Variants in AADACL4 observed in about 807,000 individuals in gnomAD.
The protein encoded by AADACL4 is arylacetamide deacetylase like 4.
A neutral mutation model predicts 14.1 loss-of-function variants in AADACL4; 9 were observed. That is an observed-to-expected ratio of 0.64 (90% confidence interval 0.39 to 1.12). The LOEUF (loss-of-function observed/expected upper bound fraction) is 1.12, where lower values mean the gene tolerates loss of function less well. Ranked by LOEUF, AADACL4 falls within the 50% of genes most tolerant of loss-of-function variation. The pLI, the probability that AADACL4 is intolerant of heterozygous loss-of-function variation, is 0.01. For missense variants in AADACL4, 531 were observed against 516.1 expected, an observed-to-expected ratio of 1.03 and a Z score of -0.28; for synonymous variants, 188 against 201.6, an observed-to-expected ratio of 0.93 and a Z score of 0.57.
At chr1:12,648,912 C>T (rs1047640314) in intron 1 of AADACL4, among the ~76,000 whole-genome samples, 3 of 152,230 alleles carry the variant, frequency 2.0e-5, no homozygotes, top group Non-Finnish European at 2.9e-5. Context: ...CGGGGTAGCG[C>T]GATGCCTATG....
At position 12,666,269 on chromosome 1, in the gene AADACL4, TG is replaced by T; in HGVS notation, c.759del (p.Cys254ValfsTer15). The part of the protein sequence containing the change: ...LLSRKFMVTS[L>X]CNYLAIDLSW... ...TCCCGGAAGTTCATGGTGACTTCTC[TG>T]TGTAACTATCTGGCCATTGACCTCT... On this transcript the variant is annotated frameshift_variant, in exon 4 of 4. Coordinates refer to ENST00000376221, the MANE Select transcript of AADACL4 (RefSeq NM_001013630.2). LOFTEE classifies it low-confidence loss of function (END_TRUNC). The T allele has an allele frequency of 6.2e-7, 1 of 1,614,256 alleles. No homozygotes were observed. The highest frequency in any genetic ancestry group is 1.1e-5 in the South Asian group (1 of 91,088).
intron 2 of AADACL4, among the ~76,000 whole-genome samples, chr1:12,652,297 A>G (rs991515609): frequency 6.6e-6 from 1 of 152,010 alleles, no homozygotes; most frequent in Non-Finnish European, 1.5e-5. Context: ...TGCTGCAGAC[A>G]CTTAAGCTCC....
At chr1:12,660,317 G>A (rs867484188) in intron 2 of AADACL4, among the ~76,000 whole-genome samples, 27 of 152,148 alleles carry the variant, frequency 1.8e-4, no homozygotes, top group Admixed American at 3.9e-4. Context: ...TTTCTTAATT[G>A]CATCCAAATG....
chr1:12,646,182 C>T (rs537904104), intron 1 of AADACL4, among the ~76,000 whole-genome samples: 23 of 152,254 alleles, frequency 1.5e-4, no homozygotes, highest in African/African-American at 4.6e-4. Flanking sequence ...GAGGAGGCCA[C>T]GCTTAACTGA....
At chr1:12,646,399 G>A (rs779870756) in intron 1 of AADACL4, among the ~76,000 whole-genome samples, 14 of 152,214 alleles carry the variant, frequency 9.2e-5, no homozygotes, top group South Asian at 2.1e-4. Context: ...TGTTCCCCAT[G>A]GGTTACAAAA....
In AADACL4 at chr1:12,663,486, C is replaced by T. The variant is rs112370144; in HGVS notation, c.449+1632C>T. On this transcript the variant is annotated intron_variant, in intron 3 of 3. Transcript: ENST00000376221. Reference sequence around the variant, plus strand: ...CTAATCCCATTCATGAGGGCTCCACCCTCATGACCTGATCACTTTCCTAAG... The same window carrying T: ...CTAATCCCATTCATGAGGGCTCCACTCTCATGACCTGATCACTTTCCTAAG... Among the ~76,000 whole-genome samples, 1,081 of 152,210 alleles carry T rather than the reference C, an allele frequency of 7.1e-3. 16 individuals are homozygous for T. The highest frequency in any genetic ancestry group is 0.024 in the African/African-American group (1,004 of 41,530).
chr1:12,644,651 T>C lies in AADACL4; in HGVS notation c.105T>C (p.Ala35=), dbSNP rs966881646. The C allele has an allele frequency of 2.5e-6, 4 of 1,614,162 alleles. No individual in the cohort carries two copies. Among genetic ancestry groups the C allele is most frequent in the African/African-American group, 1.3e-5 (1 of 75,054 alleles). ...FEHFLTTDIP[A]TLQHPAKLRF... Reference sequence around the variant, plus strand: ...ACTTCCTCACCACGGATATCCCTGCTACCTTGCAGCATCCTGCCAAGTTGA... The same window carrying C: ...ACTTCCTCACCACGGATATCCCTGCCACCTTGCAGCATCCTGCCAAGTTGA... The change falls in exon 1 of 4, where the codon GCT becomes GCC. Residue 35 remains alanine, a synonymous_variant. Transcript: ENST00000376221.
intron 3 of AADACL4, 116 bp downstream of exon 3, chr1:12,661,970 G>A: frequency 3.5e-6 from 4 of 1,146,940 alleles, no homozygotes; most frequent in Non-Finnish European, 5.2e-6. Flanking sequence ...TCTTGGACAT[G>A]CATCCACAGA....
At chr1:12,657,822 G>A (rs1412436037) in intron 2 of AADACL4, among the ~76,000 whole-genome samples, 3 of 152,162 alleles carry the variant, frequency 2.0e-5, no homozygotes, top group African/African-American at 7.2e-5. Flanking sequence ...GAGGTCCTAG[G>A]AGAGACTCAG....
chr1:12,648,568 T>A (rs1292893772), intron 1 of AADACL4, among the ~76,000 whole-genome samples: 1 of 151,274 alleles, frequency 6.6e-6, no homozygotes, highest in African/African-American at 2.4e-5. Context: ...GGGTTTTTTT[T>A]TTTTTTGTAT....
At chr1:12,658,433 A>G (rs11805473) in intron 2 of AADACL4, among the ~76,000 whole-genome samples, 6,605 of 151,984 alleles carry the variant, frequency 0.043, 454 homozygotes, top group African/African-American at 0.15. Flanking sequence ...TAATTTTTGT[A>G]TTTTTAGTAG....
rs774066321 is a variant in AADACL4 at position 12,666,485 on chromosome 1, C to G, written c.974C>G (p.Pro325Arg). The change falls in exon 4 of 4, where the codon CCC (proline) becomes CGC (arginine). Residue 325 changes from proline to arginine, a missense_variant. Coordinates refer to ENST00000376221, the MANE Select transcript of AADACL4 (RefSeq NM_001013630.2). ...CATATGCTGGATGTAGAAAATTCAC[C>G]CCTGATAGCAGATGATGAGGTCATC... ...AKHMLDVENS[P>R]LIADDEVIAQ... 4.4e-4 allele frequency: 712 copies of G among 1,614,016 alleles called. No individual in the cohort carries two copies. The highest frequency in any genetic ancestry group is 5.7e-4 in the Non-Finnish European group (671 of 1,180,030).
intron 2 of AADACL4, among the ~76,000 whole-genome samples, chr1:12,657,182 C>A (rs1022878916): frequency 2.5e-4 from 37 of 150,660 alleles, no homozygotes; most frequent in African/African-American, 8.9e-4. Flanking sequence ...AAACAAAACC[C>A]CAAACTACTC....
chr1:12,665,863 C>T (rs1647310781), intron 3 of AADACL4, 98 bp from the exon 4 acceptor site: 14 of 1,269,690 alleles, frequency 1.1e-5, no homozygotes, highest in Non-Finnish European at 1.5e-5. Context: ...AGGATTTAAT[C>T]AGATATAGTC....
In AADACL4 at chr1:12,648,576, T is replaced by C. The variant is rs530146002; in HGVS notation, c.169-2547T>C. On this transcript the variant is annotated intron_variant, in intron 1 of 3. Transcript: ENST00000376221. ...TGTGCCTGGGTTTTTTTTTTTTTTG[T>C]ATGTTTTGTAGAGATGGGGTTTCTT... Among the ~76,000 whole-genome samples the C allele has an allele frequency of 3.6e-3, 537 of 149,080 alleles. 5 individuals are homozygous for C. The highest frequency in any genetic ancestry group is 0.013 in the African/African-American group (510 of 40,270).
intron 2 of AADACL4, among the ~76,000 whole-genome samples, chr1:12,652,303 G>A (rs1202382322): frequency 6.6e-6 from 1 of 152,092 alleles, no homozygotes; most frequent in Non-Finnish European, 1.5e-5. Context: ...AGACACTTAA[G>A]CTCCTTCTCA....
At chr1:12,656,597 C>T (rs898950381) in intron 2 of AADACL4, among the ~76,000 whole-genome samples, 3 of 152,088 alleles carry the variant, frequency 2.0e-5, no homozygotes, top group Non-Finnish European at 2.9e-5. Context: ...ACTAAGCTTT[C>T]GGGTGAAGTG....
chr1:12,666,750 C>A lies in AADACL4; in HGVS notation c.*15C>A, dbSNP rs548572845. On this transcript the variant is annotated 3_prime_UTR_variant, in exon 4 of 4. Coordinates refer to ENST00000376221, the MANE Select transcript of AADACL4 (RefSeq NM_001013630.2). Reference sequence around the variant, plus strand: ...AGGGCATATGATAGTAACCCTGGGGCCCCGAGGAGGAAGGGGCAAGTATGG... The same window carrying A: ...AGGGCATATGATAGTAACCCTGGGGACCCGAGGAGGAAGGGGCAAGTATGG... 6 of 1,577,920 alleles carry A rather than the reference C, an allele frequency of 3.8e-6. No individual in the cohort carries two copies. The highest frequency in any genetic ancestry group is 5.1e-6 in the Non-Finnish European group (6 of 1,167,014).
Position 12,666,965 on chromosome 1 carries a change from C to G in AADACL4, c.*230C>G. On this transcript the variant is annotated 3_prime_UTR_variant, in exon 4 of 4. Transcript: ENST00000376221. ...CCATTGCTGGATCTAGCGACATTCT[C>G]TAACATTCCCATTTAGGTGAAATAA... 2.1e-6 allele frequency: 1 copy of G among 485,580 alleles called. No homozygotes were observed. The highest frequency in any genetic ancestry group is 3.6e-6 in the Non-Finnish European group (1 of 280,310). The allele number at this position is 485,580 out of a possible 1,614,324, so 30.1% of individuals were successfully genotyped here.
Sources: allele counts gnomAD v4.1 joint callset (sites outside exome capture counted in the v4.1 genomes callset), GRCh38; gene constraint gnomAD v4.1.1; transcripts MANE v1.5; gene names NCBI Gene and HGNC (gene_info 2026-07-23, HGNC 2026-07-21).